NUMA1: variants seen among roughly 807,000 people sequenced by gnomAD.
NUMA1 encodes the protein nuclear mitotic apparatus protein 1.
In NUMA1, 62 loss-of-function variants were observed where a neutral mutation model predicts 237.1. The ratio of observed to expected loss-of-function variants is 0.26; its 90% CI spans 0.21 to 0.32. NUMA1 has a LOEUF of 0.32. NUMA1 is among the 10% of genes least tolerant of loss of function. NUMA1 has a pLI of 1.00. For missense variants in NUMA1, 2,533 were observed against 2,666.5 expected (o/e 0.95, Z 1.10); for synonymous variants, 1,028 against 1,066.1 (o/e 0.96, Z 0.70).
intron 3 of NUMA1, among the ~76,000 whole-genome samples, chr11:72,034,755 CAG>C (rs1455343397): frequency 1.3e-5 from 2 of 152,012 alleles, no homozygotes; most frequent in African/African-American, 4.8e-5. Context: ...TGCCCTGGGT[CAG>C]AGAGACCAGT....
chr11:72,031,728 C>T (rs1452676525), intron 3 of NUMA1, among the ~76,000 whole-genome samples: 8 of 152,008 alleles, frequency 5.3e-5, no homozygotes, highest in Non-Finnish European at 8.8e-5. Context: ...GTGGGAAGAT[C>T]GCTTGAGCCT....
intron 2 of NUMA1, among the ~76,000 whole-genome samples, chr11:72,044,605 G>C (rs12293529): frequency 7.9e-4 from 120 of 151,306 alleles, no homozygotes; most frequent in African/African-American, 2.6e-3. Flanking sequence ...GTTACTTTGG[G>C]GGGGGGGAGG....
intron 17 of NUMA1, among the ~76,000 whole-genome samples, chr11:72,009,595 G>A (rs2134689774): frequency 6.6e-6 from 1 of 152,312 alleles, no homozygotes; most frequent in East Asian, 1.9e-4. Flanking sequence ...ATCCGTAGTG[G>A]CCTTTCCCTG....
In NUMA1 at chr11:72,015,112, G is replaced by A. The variant is rs370806373; in HGVS notation, c.2391C>T (p.His797=). 1 of 1,613,564 alleles carries A rather than the reference G, an allele frequency of 6.2e-7. No individual in the cohort carries two copies. Among genetic ancestry groups the A allele is most frequent in the Non-Finnish European group, 8.5e-7 (1 of 1,180,030 alleles). Residue 797 remains histidine, a synonymous_variant, in exon 15 of 27, where the codon CAC becomes CAT. Transcript: ENST00000393695. This position sits in a 1 kb window ranked among gnomAD's most constrained non-coding sequence, Gnocchi z 4.0. Reference sequence around the variant, plus strand: ...GCTGCTCACACTCACTCTCAGCTGTGTGCTGGGCAGCCATGGCCTCTGCCA... The same window carrying A: ...GCTGCTCACACTCACTCTCAGCTGTATGCTGGGCAGCCATGGCCTCTGCCA... ...RELAEAMAAQ[H]TAESECEQLV...
At chr11:72,027,189 C>T (rs986953009) in intron 4 of NUMA1, among the ~76,000 whole-genome samples, 1 of 152,168 alleles carries the variant, frequency 6.6e-6, no homozygotes, top group Non-Finnish European at 1.5e-5. Flanking sequence ...AAGCATGCTG[C>T]CCCATATTGT....
At chr11:72,055,130 G>A (rs1017232788) in intron 2 of NUMA1, among the ~76,000 whole-genome samples, 2 of 152,156 alleles carry the variant, frequency 1.3e-5, no homozygotes, top group Non-Finnish European at 2.9e-5. Context: ...AAAGAGAATA[G>A]ATTTGGGGAT....
chr11:72,053,762 A>G (rs1942489314), intron 2 of NUMA1, among the ~76,000 whole-genome samples: 1 of 152,206 alleles, frequency 6.6e-6, no homozygotes, highest in South Asian at 2.1e-4. Flanking sequence ...CTCTGTATCC[A>G]TGGGTTCCAC....
intron 2 of NUMA1, among the ~76,000 whole-genome samples, chr11:72,062,061 G>A (rs1942972856): frequency 6.6e-6 from 1 of 152,114 alleles, no homozygotes; most frequent in African/African-American, 2.4e-5. Context: ...TTGTGGGAAA[G>A]GAAGGCCAAT....
chr11:72,032,329 G>A lies in NUMA1; in HGVS notation c.43-3039C>T, dbSNP rs376952597. ...ATCTAATTGGTCAGGACAGGTCATTGTAAGTTTTCTAGGAAGATTCTGAAA... is the reference window on the plus strand; with the variant it reads ...ATCTAATTGGTCAGGACAGGTCATTATAAGTTTTCTAGGAAGATTCTGAAA... On this transcript the variant is annotated intron_variant, in intron 3 of 26. Coordinates refer to ENST00000393695, the MANE Select transcript of NUMA1 (RefSeq NM_006185.4). Among the ~76,000 whole-genome samples, 7 of 152,202 alleles carry A rather than the reference G, an allele frequency of 4.6e-5. No homozygotes were observed. The South Asian group carries it at 1.4e-3, about 32-fold the overall frequency.
rs776799986 is a variant in NUMA1 at position 72,015,498 on chromosome 11, C to T, written c.2005G>A (p.Ala669Thr). The T allele has an allele frequency of 1.9e-6, 3 of 1,613,172 alleles. No homozygotes were observed. Among genetic ancestry groups the T allele is most frequent in the South Asian group, 2.2e-5 (2 of 91,088 alleles). ...TCTAGCTCTGCAACCTGGGCCTGGG[C>T]CTCATGCTGTTCCTGGCGGGCTGTC... ...VETARQEQHEAQAQVAELELQ... is the reference protein window; with the variant it reads ...VETARQEQHETQAQVAELELQ... The change falls in exon 15 of 27, where the codon GCC becomes ACC. Residue 669 changes from alanine to threonine, a missense_variant. By Grantham distance (58) the Ala-to-Thr change is moderately conservative (BLOSUM62 0). Transcript: ENST00000393695. The surrounding 1 kb of genome is among the most constrained non-coding windows in gnomAD (Gnocchi z 4.0).
At chr11:72,073,745 G>A (rs1229041446) in intron 1 of NUMA1, among the ~76,000 whole-genome samples, 1 of 152,226 alleles carries the variant, frequency 6.6e-6, no homozygotes. Flanking sequence ...AGTTCAGAAT[G>A]TGGGATGTAG....
intron 1 of NUMA1, chr11:72,072,322 C>G (rs1591087808): frequency 1.3e-5 from 2 of 154,666 alleles, no homozygotes; most frequent in East Asian, 3.9e-4. Context: ...ATTTGACAAT[C>G]TGCAAAACAA....
rs750137778 is a variant in NUMA1, at chr11:72,017,737, C to G, written c.1069G>C (p.Glu357Gln). 6.8e-6 allele frequency: 11 copies of G among 1,612,670 alleles called. No individual in the cohort carries two copies. The highest frequency in any genetic ancestry group is 9.3e-6 in the Non-Finnish European group (11 of 1,179,952). ...TCCTTCTCCAGCTGGGCCTGCTTCT[C>G]TAGCCACTCCTGAGTGGCCTTGCTG... ...EHSKATQEWL[E>Q]KQAQLEKELS... Residue 357 changes from glutamate (E) to glutamine (Q), a missense_variant, in exon 13 of 27, where the codon GAG becomes CAG. Coordinates refer to ENST00000393695, the MANE Select transcript of NUMA1 (RefSeq NM_006185.4).
At chr11:72,061,578 C>T (rs1442211257) in intron 2 of NUMA1, among the ~76,000 whole-genome samples, 1 of 148,574 alleles carries the variant, frequency 6.7e-6, no homozygotes, top group Non-Finnish European at 1.5e-5. Context: ...ACAGCCTCAA[C>T]CTCCCAGGCT....
chr11:72,014,001 G>T lies in NUMA1; in HGVS notation c.3502C>A (p.Gln1168Lys). The T allele has an allele frequency of 6.2e-7, 1 of 1,612,266 alleles. No homozygotes were observed. ...TGGGCCTTCTCCTCTAACTGGCCCTGCAGAGTCTCCAGAGCACTGTCCCGC... is the reference window on the plus strand; with the variant it reads ...TGGGCCTTCTCCTCTAACTGGCCCTTCAGAGTCTCCAGAGCACTGTCCCGC... Reference protein sequence around the residue: ...AERDSALETLQGQLEEKAQEL... With the variant: ...AERDSALETLKGQLEEKAQEL... The change falls in exon 15 of 27, where the codon CAG (glutamine) becomes AAG (lysine). Residue 1168 changes from glutamine (Q) to lysine (K), a missense_variant. Physicochemically the swap from Gln to Lys is moderately conservative, Grantham distance 53. This residue lies in a region of NUMA1 where 1,414 missense variants were observed against 1,508.1 expected (regional missense o/e 0.94). Coordinates refer to ENST00000393695, the MANE Select transcript of NUMA1 (RefSeq NM_006185.4). The surrounding 1 kb of genome is among the most constrained non-coding windows in gnomAD (Gnocchi z 4.6).
In NUMA1 at chr11:72,004,341, A is replaced by T; in HGVS notation, c.6007T>A (p.Ser2003Thr). ...GGGAAACAGCTGGTGGCCTTCTTAG[A>T]CTATGGAGAAGAGGACAGTTAGGCA... ...EPHQGPGTPE[S>T]KKATSCFPRP... The change falls in exon 25 of 27, where the codon TCT (serine) becomes ACT (threonine). Residue 2003 changes from serine to threonine, a missense_variant and splice_region_variant. Coordinates refer to ENST00000393695, the MANE Select transcript of NUMA1 (RefSeq NM_006185.4). 1 of 1,611,156 alleles carries T rather than the reference A, an allele frequency of 6.2e-7. No individual in the cohort carries two copies. The highest frequency in any genetic ancestry group is 8.5e-7 in the Non-Finnish European group (1 of 1,178,940).
At chr11:72,051,549 C>G (rs994910147) in intron 2 of NUMA1, among the ~76,000 whole-genome samples, 3 of 150,760 alleles carry the variant, frequency 2.0e-5, no homozygotes, top group Non-Finnish European at 4.4e-5. Context: ...CAGCTCACTG[C>G]AACCTCCACC....
chr11:72,015,817 C>G lies in NUMA1; in HGVS notation c.1686G>C (p.Gln562His). ...QVEQLSSSLK[Q>H]KEQQLKEVAE... ...CTACCTCCTTCAACTGCTGCTCCTTCTGCTTCAGGCTACTGCTTAGCTGCT... is the reference window on the plus strand; with the variant it reads ...CTACCTCCTTCAACTGCTGCTCCTTGTGCTTCAGGCTACTGCTTAGCTGCT... The change falls in exon 15 of 27, where the codon CAG becomes CAC. Residue 562 changes from glutamine to histidine, a missense_variant. Around this residue, in one of 3 missense-constraint regions of NUMA1, gnomAD observed 1,414 missense variants for 1,508.1 expected, o/e 0.94. Coordinates refer to ENST00000393695, the MANE Select transcript of NUMA1 (RefSeq NM_006185.4). The surrounding 1 kb of genome is among the most constrained non-coding windows in gnomAD (Gnocchi z 4.0). 1.2e-6 allele frequency: 2 copies of G among 1,614,232 alleles called. No individual in the cohort carries two copies. The highest frequency in any genetic ancestry group is 1.1e-5 in the South Asian group (1 of 91,090).
chr11:72,056,479 C>T (rs1441308961), intron 2 of NUMA1, among the ~76,000 whole-genome samples: 1 of 151,262 alleles, frequency 6.6e-6, no homozygotes, highest in African/African-American at 2.4e-5. Context: ...CTACCACCAC[C>T]CCCAGCTAAT....
Sources: allele counts gnomAD v4.1 joint callset (sites outside exome capture counted in the v4.1 genomes callset), GRCh38; gene constraint gnomAD v4.1.1; regional missense constraint gnomAD v4.1.1; non-coding constraint Gnocchi (gnomAD v3.1); transcripts MANE v1.5; gene names NCBI Gene and HGNC (gene_info 2026-07-23, HGNC 2026-07-21).